The following TTN variants were observed in gnomAD, a reference collection of about 807,000 sequenced individuals.
TTN encodes titin.
A neutral mutation model predicts 3,223.0 loss-of-function variants in TTN; 1,525 were observed. The observed-to-expected ratio is 0.47, with a 90% CI of 0.45 to 0.49. The LOEUF (loss-of-function observed/expected upper bound fraction) is 0.49, where lower values mean the gene tolerates loss of function less well. Ranked by LOEUF, TTN falls within the 20% of genes least tolerant of loss-of-function variation. The probability of loss-of-function intolerance (pLI) is 0.00; values close to 1 mark genes in which losing one functional copy is unlikely to be tolerated. For synonymous variants in TTN, 14,094 were observed against 15,161.0 expected (o/e 0.93, Z 5.17); for missense variants, 40,786 against 43,424.0 (o/e 0.94, Z 5.40).
rs532120965 is a variant in TTN, at chr2:178,553,072, T to G, written c.89828A>C (p.Lys29943Thr). 1.2e-6 allele frequency: 2 copies of G among 1,612,402 alleles called. No homozygotes were observed. Among genetic ancestry groups the G allele is most frequent in the Admixed American group, 1.7e-5 (1 of 59,968 alleles). Reference sequence around the variant, plus strand: ...AGTGACTGTGCCTCGAGAAACATGTTTAACCTGTAGTTTCTGGCAGGCAGC... The same window carrying G: ...AGTGACTGTGCCTCGAGAAACATGTGTAACCTGTAGTTTCTGGCAGGCAGC... ...TPAACQKLQV[K>T]HVSRGTVTLL... is the part of the protein sequence containing the mutation. The change falls in exon 335 of 363, where the codon AAA becomes ACA. Residue 29943 changes from lysine to threonine, a missense_variant. Coordinates refer to ENST00000589042, the MANE Select transcript of TTN (RefSeq NM_001267550.2).
chr2:178,588,866 T>C lies in TTN; in HGVS notation c.62859A>G (p.Lys20953=). ...KIGTGPPTES[K]PVIAKTKYDK... ...CATACTTGGTTTTGGCTATGACTGG[T>C]TTACTTTCTGTTGGAGGCCCTGTGC... Residue 20953 remains lysine, a synonymous_variant, in exon 304 of 363, where the codon AAA becomes AAG. Coordinates refer to ENST00000589042, the MANE Select transcript of TTN (RefSeq NM_001267550.2). 5 of 1,613,334 alleles carry C rather than the reference T, an allele frequency of 3.1e-6. No homozygotes were observed. The highest frequency in any genetic ancestry group is 4.2e-6 in the Non-Finnish European group (5 of 1,179,600).
chr2:178,681,333 A>G, intron 137 of TTN, 43 bp downstream of exon 137: 1 of 1,557,752 alleles, frequency 6.4e-7, no homozygotes, highest in Non-Finnish European at 8.8e-7. Flanking sequence ...TTTAGAACAT[A>G]CATAACAAAG....
Position 178,539,662 on chromosome 2 carries a change from C to T in TTN, c.98403G>A (p.Gly32801=). The T allele has an allele frequency of 1.2e-6, 2 of 1,613,678 alleles. No individual in the cohort carries two copies. Among genetic ancestry groups the T allele is most frequent in the Non-Finnish European group, 1.7e-6 (2 of 1,179,790 alleles). ...CTTGGATGTCATCATATTCCAGTGG[C>T]CCTTCTGGACTGTTGGGACTTCCTA... ...RVIGSPNSPE[G]PLEYDDIQVR... Residue 32801 remains glycine, a synonymous_variant, in exon 352 of 363, where the codon GGG becomes GGA. Transcript: ENST00000589042.
Position 178,764,609 on chromosome 2 carries a change from G to A in TTN, c.9906C>T (p.Phe3302=). 1.9e-6 allele frequency: 3 copies of A among 1,614,128 alleles called. No homozygotes were observed. Among genetic ancestry groups the A allele is most frequent in the Non-Finnish European group, 1.7e-6 (2 of 1,180,014 alleles). The change falls in exon 42 of 363, where the codon TTC becomes TTT. Residue 3302 remains phenylalanine, a synonymous_variant. Coordinates refer to ENST00000589042, the MANE Select transcript of TTN (RefSeq NM_001267550.2). Reference sequence around the variant, plus strand: ...AGGTATAGACTGCCGCATCCTCTGGGAAGGCTTCAATTAGCAAAAGCGTGT... The same window carrying A: ...AGGTATAGACTGCCGCATCCTCTGGAAAGGCTTCAATTAGCAAAAGCGTGT... ...QEYTLLLIEA[F]PEDAAVYTCE... is the part of the protein sequence containing the mutation.
In TTN at chr2:178,738,090, G is replaced by A; in HGVS notation, c.14363C>T (p.Thr4788Ile). 1 of 1,612,814 alleles carries A rather than the reference G, an allele frequency of 6.2e-7. No individual in the cohort carries two copies. The highest frequency in any genetic ancestry group is 8.5e-7 in the Non-Finnish European group (1 of 1,178,992). ...YGSVSCTATL[T>I]VTEAYPPTFL... ...CAATGTATGGCATTTACCTGTCACA[G>A]TTAGTGTGGCTGTACAGCTGACACT... is the stretch of plus-strand genomic sequence containing the variant. The change falls in exon 49 of 363, where the codon ACT becomes ATT. Residue 4788 changes from threonine to isoleucine, a missense_variant. Physicochemically the swap from Thr to Ile is moderately conservative, Grantham distance 89. Coordinates refer to ENST00000589042, the MANE Select transcript of TTN (RefSeq NM_001267550.2).
chr2:178,581,228 T>TACATTCCAATAAAATTCTC (rs1475687917), intron 316 of TTN, among the ~76,000 whole-genome samples: 3 of 152,024 alleles, frequency 2.0e-5, no homozygotes, highest in African/African-American at 7.2e-5. Flanking sequence ...ATAAAATTCT[T>TACATTCCAATAAAATTCTC]ACATTCCAAT....
At chr2:178,792,346 T>C (rs1314771839) in intron 9 of TTN, 149 bp from the exon 10 acceptor site, 4 of 790,992 alleles carry the variant, frequency 5.1e-6, no homozygotes, top group Non-Finnish European at 7.6e-6. Flanking sequence ...CCCATGTTCA[T>C]AAATAAGATC....
intron 343 of TTN, 49 bp from the exon 344 acceptor site, chr2:178,545,742 T>C: frequency 6.3e-7 from 1 of 1,599,668 alleles, no homozygotes; most frequent in South Asian, 1.1e-5. Flanking sequence ...TTACTATTGA[T>C]AAGACTGCCC....
In TTN at chr2:178,555,056, G is replaced by A. The variant is rs747441311; in HGVS notation, c.88403C>T (p.Pro29468Leu). Reference sequence around the variant, plus strand: ...TTTATACCACTCAATAGTAGGCGCAGGTTTGCCAGAAATGCCAGCTCTGAG... The same window carrying A: ...TTTATACCACTCAATAGTAGGCGCAAGTTTGCCAGAAATGCCAGCTCTGAG... ...VKLRAGISGK[P>L]APTIEWYKDD... is the part of the protein sequence containing the mutation. Residue 29468 changes from proline (P) to leucine (L), a missense_variant, in exon 331 of 363, where the codon CCT becomes CTT. Coordinates refer to ENST00000589042, the MANE Select transcript of TTN (RefSeq NM_001267550.2). 9.9e-6 allele frequency: 16 copies of A among 1,613,634 alleles called. No homozygotes were observed. The highest frequency in any genetic ancestry group is 5.5e-5 in the South Asian group (5 of 91,070).
chr2:178,629,702 C>G (rs1651248871), intron 239 of TTN, among the ~76,000 whole-genome samples: 1 of 152,080 alleles, frequency 6.6e-6, no homozygotes, highest in Non-Finnish European at 1.5e-5. Flanking sequence ...GTCTCTCTGC[C>G]AGGCGTCAAG....
chr2:178,802,365 T>C, intron 2 of TTN, 24 bp from the exon 3 acceptor site: 1 of 1,605,002 alleles, frequency 6.2e-7, no homozygotes, highest in Non-Finnish European at 8.5e-7. Context: ...ACAATTCACC[T>C]TTATGTTTGA....
At position 178,633,534 on chromosome 2, in the gene TTN, A is replaced by G. The variant is rs2060064036; in HGVS notation, c.42825T>C (p.Tyr14275=). Residue 14275 remains tyrosine (Y), a synonymous_variant, in exon 232 of 363, where the codon TAT becomes TAC. Coordinates refer to ENST00000589042, the MANE Select transcript of TTN (RefSeq NM_001267550.2). ...DGEEIVPSPK[Y]SIKADGLRRI... ...GGCGCAGGCCATCTGCCTTGATAGA[A>G]TATTTGGGTGAAGGGACAATCTCTT... 11 of 1,613,244 alleles carry G rather than the reference A, an allele frequency of 6.8e-6. No homozygotes were observed. The highest frequency in any genetic ancestry group is 9.3e-6 in the Non-Finnish European group (11 of 1,179,606).
In TTN at chr2:178,653,292, C is replaced by G; in HGVS notation, c.38737G>C (p.Glu12913Gln). ...GGAGGAGCCAAGGGCACTTTCTTTT[C>G]AAGGACAACTTCTTTGGGAGCCTCT... ...VPEAPKEVVL[E>Q]KKVPLAPPKK... The change falls in exon 198 of 363, where the codon GAA (glutamate) becomes CAA (glutamine). Residue 12913 changes from glutamate to glutamine, a missense_variant. Transcript: ENST00000589042. 6.2e-7 allele frequency: 1 copy of G among 1,612,356 alleles called. No homozygotes were observed. The highest frequency in any genetic ancestry group is 8.5e-7 in the Non-Finnish European group (1 of 1,179,492).
Position 178,647,062 on chromosome 2 carries a change from AC to A in TTN, c.40222+1del. 1 of 1,140,196 alleles carries A rather than the reference AC, an allele frequency of 8.8e-7. No homozygotes were observed. The highest frequency in any genetic ancestry group is 1.2e-6 in the Non-Finnish European group (1 of 858,294). 70.6% of individuals were successfully genotyped at this position (1,140,196 alleles called of 1,614,324 possible). On this transcript the variant is annotated splice_donor_variant, in intron 215 of 362. Transcript: ENST00000589042. LOFTEE classifies it high-confidence loss of function. ...AATGTATATATATATATATATATATACCTTCAACAGGGGGAGTCTCTTTTCT... is the reference window on the plus strand; with the variant it reads ...AATGTATATATATATATATATATATACTTCAACAGGGGGAGTCTCTTTTCT...
chr2:178,566,289 G>C lies in TTN; in HGVS notation c.79843C>G (p.Pro26615Ala). The C allele has an allele frequency of 6.2e-7, 1 of 1,613,650 alleles. No individual in the cohort carries two copies. The highest frequency in any genetic ancestry group is 8.5e-7 in the Non-Finnish European group (1 of 1,179,686). ...TCAGGCGTTGGACGACCTTTGAATG[G>C]AATGTGAATTCTGGCAGATCCACCA... ...RAGGSARIHI[P>A]FKGRPTPEIT... The change falls in exon 326 of 363, where the codon CCA becomes GCA. Residue 26615 changes from proline (P) to alanine (A), a missense_variant. Coordinates refer to ENST00000589042, the MANE Select transcript of TTN (RefSeq NM_001267550.2).
In TTN at chr2:178,582,051, G is replaced by C. The variant is rs771219209; in HGVS notation, c.66318C>G (p.Asn22106Lys). 3.1e-6 allele frequency: 5 copies of C among 1,613,226 alleles called. No individual in the cohort carries two copies. Among genetic ancestry groups the C allele is most frequent in the Non-Finnish European group, 4.2e-6 (5 of 1,179,466 alleles). ...ETQAVNWTKVNRKPIIERTLK... is the reference protein window; with the variant it reads ...ETQAVNWTKVKRKPIIERTLK... ...ATGTTCTTTCTATAATAGGTTTTCT[G>C]TTGACCTTAGTCCAGTTAACAGCCT... The change falls in exon 315 of 363, where the codon AAC becomes AAG. Residue 22106 changes from asparagine to lysine, a missense_variant. Asn to Lys is a moderately conservative substitution (Grantham distance 94). Transcript: ENST00000589042.
rs1186241496 is a variant in TTN, at chr2:178,582,121, C to G, written c.66248G>C (p.Gly22083Ala). The stretch of plus-strand genomic sequence containing the variant: ...CAAATAGCCAGTGATGGGTGAGCCC[C>G]CATCATCTGCTGGTGGCTTCCAGCT... The part of the protein sequence containing the change: ...TVSWKPPADD[G>A]GSPITGYLLE... Residue 22083 changes from glycine (G) to alanine (A), a missense_variant, in exon 315 of 363, where the codon GGG becomes GCG. Physicochemically the swap from Gly to Ala is moderately conservative, Grantham distance 60. Coordinates refer to ENST00000589042, the MANE Select transcript of TTN (RefSeq NM_001267550.2). The G allele has an allele frequency of 6.2e-7, 1 of 1,612,704 alleles. No homozygotes were observed. The highest frequency in any genetic ancestry group is 8.5e-7 in the Non-Finnish European group (1 of 1,179,544).
chr2:178,668,826 T>C (rs2066433022), intron 159 of TTN, among the ~76,000 whole-genome samples: 1 of 152,020 alleles, frequency 6.6e-6, no homozygotes, highest in Non-Finnish European at 1.5e-5. Context: ...TTTTACTATT[T>C]GGATTATTTC....
intron 147 of TTN, chr2:178,676,207 G>A (rs1308296346): frequency 2.4e-6 from 1 of 414,602 alleles, no homozygotes; most frequent in Non-Finnish European, 4.3e-6. Context: ...GATGCTATTA[G>A]GGTGGTGCAA....
Sources: allele counts gnomAD v4.1 joint callset (sites outside exome capture counted in the v4.1 genomes callset), GRCh38; gene constraint gnomAD v4.1.1; transcripts MANE v1.5; gene names NCBI Gene and HGNC (gene_info 2026-07-23, HGNC 2026-07-21).